The following LEKR1 variants were observed in gnomAD, a reference collection of about 807,000 sequenced individuals.
The protein encoded by LEKR1 is protein LEKR1.
A neutral mutation model predicts 72.4 loss-of-function variants in LEKR1; 59 were observed. The ratio of observed to expected loss-of-function variants is 0.82; its 90% CI spans 0.66 to 1.01. LEKR1 has a LOEUF of 1.01. LEKR1 is among the 50% of genes least tolerant of loss of function. The pLI is 0.00. For missense variants in LEKR1, 728 were observed against 759.2 expected (o/e 0.96, Z 0.48); for synonymous variants, 257 against 263.2 (o/e 0.98, Z 0.23).
intron 9 of LEKR1, among the ~76,000 whole-genome samples, chr3:157,009,761 G>C (rs968273010): frequency 1.3e-5 from 2 of 151,952 alleles, no homozygotes; most frequent in African/African-American, 4.8e-5. Flanking sequence ...CTACCACTAA[G>C]GTGTGGATTT....
At chr3:156,916,172 A>G (rs918131505) in intron 3 of LEKR1, among the ~76,000 whole-genome samples, 1 of 151,958 alleles carries the variant, frequency 6.6e-6, no homozygotes, top group Non-Finnish European at 1.5e-5. Flanking sequence ...GCCCCGTAGC[A>G]TAGTTTGAAG....
intron 10 of LEKR1, 72 bp downstream of exon 10, chr3:157,011,578 A>T: frequency 4.0e-6 from 4 of 997,750 alleles, no homozygotes; most frequent in Non-Finnish European, 6.3e-6. Flanking sequence ...TTGTCAGAAG[A>T]CTCTTCCGGA....
intron 7 of LEKR1, chr3:156,988,078 C>T (rs936051040): frequency 6.5e-6 from 1 of 153,130 alleles, no homozygotes; most frequent in Non-Finnish European, 1.5e-5. Context: ...GTCCATGTGA[C>T]TTGGAGACAT....
At chr3:156,985,749 C>T (rs535601750) in intron 7 of LEKR1, among the ~76,000 whole-genome samples, 11 of 150,956 alleles carry the variant, frequency 7.3e-5, no homozygotes, top group Non-Finnish European at 7.4e-5. Flanking sequence ...GCACAAGAAT[C>T]TCTTGAAACC....
At chr3:156,894,471 G>A (rs188058164) in intron 3 of LEKR1, among the ~76,000 whole-genome samples, 6 of 152,256 alleles carry the variant, frequency 3.9e-5, no homozygotes, top group Admixed American at 3.3e-4. Flanking sequence ...TTAGCATAGT[G>A]CTGTAGTCTG....
At chr3:156,897,077 C>A (rs944124398) in intron 3 of LEKR1, among the ~76,000 whole-genome samples, 8 of 152,066 alleles carry the variant, frequency 5.3e-5, no homozygotes, top group Non-Finnish European at 1.0e-4. Context: ...AGGAGAAGAT[C>A]AAAAAACTAC....
intron 4 of LEKR1, chr3:156,924,624 T>C: frequency 1.8e-6 from 1 of 561,406 alleles, no homozygotes; most frequent in Non-Finnish European, 3.2e-6. Flanking sequence ...AGCTAACTTC[T>C]GTGTATGATA....
At chr3:156,882,667 A>T (rs1719544836) in intron 3 of LEKR1, among the ~76,000 whole-genome samples, 1 of 152,194 alleles carries the variant, frequency 6.6e-6, no homozygotes, top group Non-Finnish European at 1.5e-5. Context: ...TACCCAAAGG[A>T]CTATAAATCA....
intron 5 of LEKR1, among the ~76,000 whole-genome samples, chr3:156,941,976 G>C (rs945937520): frequency 2.6e-5 from 4 of 151,866 alleles, no homozygotes; most frequent in Admixed American, 2.6e-4. Context: ...TATTGGGGGG[G>C]ATACAGTACT....
intron 10 of LEKR1, 136 bp downstream of exon 10, chr3:157,011,642 C>G (rs1241096823): frequency 1.5e-6 from 1 of 652,358 alleles, no homozygotes. Context: ...TTTCCTAGAC[C>G]AGACATGCTT....
At chr3:156,988,733 A>G (rs1337567191) in intron 7 of LEKR1, 1 of 205,120 alleles carries the variant, frequency 4.9e-6, no homozygotes, top group Non-Finnish European at 1.1e-5. Flanking sequence ...ACAATGATGT[A>G]TCTTTGATGT....
intron 3 of LEKR1, among the ~76,000 whole-genome samples, chr3:156,888,750 T>C (rs1233524902): frequency 6.6e-6 from 1 of 152,232 alleles, no homozygotes; most frequent in African/African-American, 2.4e-5. Flanking sequence ...TCCTTCTATG[T>C]CAGACTTTGT....
rs370230358 is a variant in LEKR1, at chr3:157,013,422, A to G, written c.1203+1916A>G. ...AAACAAGTTAGTGTTAGCATCTGAC[A>G]TATGAAAGCATTTATGTTCTTGCTT... is the stretch of plus-strand genomic sequence containing the variant. On this transcript the variant is annotated intron_variant, in intron 10 of 12. Transcript: ENST00000356539. 1.6e-4 allele frequency among the ~76,000 whole-genome samples: 24 copies of G among 152,264 alleles called. No homozygotes were observed. In the South Asian group the frequency reaches 3.9e-3, roughly 25 times the overall value.
chr3:157,031,135 G>T (rs1734579159), intron 12 of LEKR1, among the ~76,000 whole-genome samples: 1 of 152,188 alleles, frequency 6.6e-6, no homozygotes, highest in Admixed American at 6.5e-5. Flanking sequence ...AGGGCTTCGG[G>T]AGGTGATTTT....
intron 3 of LEKR1, among the ~76,000 whole-genome samples, chr3:156,883,422 TG>T (rs975499338): frequency 5.9e-5 from 9 of 152,164 alleles, no homozygotes; most frequent in Non-Finnish European, 1.3e-4. Flanking sequence ...GTTAAGACTT[TG>T]GGGGACTGTT....
intron 3 of LEKR1, among the ~76,000 whole-genome samples, chr3:156,899,373 TATATACAC>T (rs1282590342): frequency 8.5e-6 from 1 of 117,450 alleles, no homozygotes; most frequent in African/African-American, 3.5e-5. Flanking sequence ...CATATATACA[TATATACAC>T]ATATATACAT....
intron 5 of LEKR1, among the ~76,000 whole-genome samples, chr3:156,938,190 G>A (rs780375929): frequency 3.2e-4 from 48 of 151,898 alleles, no homozygotes; most frequent in Non-Finnish European, 2.5e-4. Flanking sequence ...TGGTAAAATC[G>A]GAGTAAGTTC....
At chr3:156,924,462 T>C in intron 4 of LEKR1, 1 of 641,306 alleles carries the variant, frequency 1.6e-6, no homozygotes, top group Non-Finnish European at 2.8e-6. Flanking sequence ...AAGTTTGTTA[T>C]TTTTAATGAA....
chr3:156,918,500 G>A (rs571261315), intron 3 of LEKR1, among the ~76,000 whole-genome samples: 1 of 152,042 alleles, frequency 6.6e-6, no homozygotes, highest in Non-Finnish European at 1.5e-5. Context: ...TGGACTATGA[G>A]AATAAAGTAC....
Sources: allele counts gnomAD v4.1 joint callset (sites outside exome capture counted in the v4.1 genomes callset), GRCh38; gene constraint gnomAD v4.1.1; transcripts MANE v1.5; gene names NCBI Gene and HGNC (gene_info 2026-07-23, HGNC 2026-07-21).